The following PCSK1 variants were observed in gnomAD, a reference collection of about 807,000 sequenced individuals.
PCSK1 encodes the protein neuroendocrine convertase 1.
A neutral mutation model predicts 90.6 loss-of-function variants in PCSK1; 56 were observed. The ratio of observed to expected loss-of-function variants is 0.62; its 90% CI spans 0.50 to 0.77. The LOEUF (loss-of-function observed/expected upper bound fraction) is 0.77. Ranked by LOEUF, PCSK1 falls within the 30% of genes least tolerant of loss-of-function variation. PCSK1 has a pLI of 0.00. For missense variants in PCSK1, 801 were observed against 932.6 expected, an observed-to-expected ratio of 0.86 and a Z score of 1.84; for synonymous variants, 348 against 342.4, an observed-to-expected ratio of 1.02 and a Z score of -0.18.
At position 96,398,909 on chromosome 5, in the gene PCSK1, C is replaced by T. The variant is rs1392325011; in HGVS notation, c.1558G>A (p.Asp520Asn). 6.2e-7 allele frequency: 1 copy of T among 1,613,744 alleles called. No individual in the cohort carries two copies. Among genetic ancestry groups the T allele is most frequent in the South Asian group, 1.1e-5 (1 of 91,068 alleles). The stretch of plus-strand genomic sequence containing the variant: ...GCAGAAGTAAGTGTGACATGAAGGT[C>T]TCCTCTTCGGGAATATTCAATTGTT... The part of the protein sequence containing the change: ...EATIEYSRRG[D>N]LHVTLTSAAG... Residue 520 changes from aspartate to asparagine, a missense_variant, in exon 11 of 14, where the codon GAC (aspartate) becomes AAC (asparagine). Asp to Asn is a conservative substitution (Grantham distance 23). Transcript: ENST00000311106.
At position 96,408,275 on chromosome 5, in the gene PCSK1, A is replaced by C; in HGVS notation, c.1144T>G (p.Ser382Ala). The change falls in exon 9 of 14, where the codon TCG becomes GCG. Residue 382 changes from serine to alanine, a missense_variant. Physicochemically the swap from Ser to Ala is moderately conservative, Grantham distance 99. Coordinates refer to ENST00000311106, the MANE Select transcript of PCSK1 (RefSeq NM_000439.5). ...NDCTETHTGT[S>A]ASAPLAAGIF... is the part of the protein sequence containing the mutation. ...CCAGCAGCCAGAGGTGCAGAGGCCG[A>C]GGTGCCTGTGTGCGTCTCCGTGCAG... The C allele has an allele frequency of 6.2e-7, 1 of 1,614,108 alleles. No individual in the cohort carries two copies. The highest frequency in any genetic ancestry group is 8.5e-7 in the Non-Finnish European group (1 of 1,180,002).
At chr5:96,416,202 A>G in intron 5 of PCSK1, 81 bp from the exon 6 acceptor site, 1 of 943,322 alleles carries the variant, frequency 1.1e-6, no homozygotes, top group Non-Finnish European at 1.7e-6. Flanking sequence ...AATGGGGCAT[A>G]GGTATATTAA....
chr5:96,425,869 G>A lies in PCSK1; in HGVS notation c.347C>T (p.Ser116Leu). ...GGGATCATTGAAGAGATTTAGTGCT[G>A]AGTCCCTTAGAGCTGAACGTTTACT... ...ERSKRSALRD[S>L]ALNLFNDPMW... Residue 116 changes from serine (S) to leucine (L), a missense_variant, in exon 3 of 14, where the codon TCA becomes TTA. By Grantham distance (145) the Ser-to-Leu change is moderately radical. Coordinates refer to ENST00000311106, the MANE Select transcript of PCSK1 (RefSeq NM_000439.5). The A allele has an allele frequency of 2.5e-6, 4 of 1,612,084 alleles. No individual in the cohort carries two copies. The highest frequency in any genetic ancestry group is 3.4e-6 in the Non-Finnish European group (4 of 1,178,236).
At chr5:96,431,308 A>C (rs1413681409) in intron 1 of PCSK1, among the ~76,000 whole-genome samples, 1 of 152,096 alleles carries the variant, frequency 6.6e-6, no homozygotes, top group Non-Finnish European at 1.5e-5. Flanking sequence ...CGATCTCATT[A>C]TGTGCTCCTG....
At chr5:96,410,741 C>T (rs1411265225) in intron 8 of PCSK1, 33 bp downstream of exon 8, 3 of 1,536,804 alleles carry the variant, frequency 2.0e-6, no homozygotes, top group Middle Eastern at 1.7e-4. Context: ...GCTCTCCTAA[C>T]TAAGCAGAGA....
At chr5:96,420,064 G>A (rs111869352) in intron 5 of PCSK1, among the ~76,000 whole-genome samples, 19 of 152,250 alleles carry the variant, frequency 1.2e-4, no homozygotes, top group Middle Eastern at 3.4e-3. Flanking sequence ...CAGATTTCCC[G>A]TAGTCTTAAC....
At chr5:96,415,089 A>G (rs1348349171) in intron 6 of PCSK1, among the ~76,000 whole-genome samples, 2 of 152,236 alleles carry the variant, frequency 1.3e-5, no homozygotes, top group East Asian at 1.9e-4. Context: ...ATAACATAAC[A>G]TGAAAGCCTG....
chr5:96,393,243 C>G lies in PCSK1; in HGVS notation c.2020G>C (p.Ala674Pro). The G allele has an allele frequency of 6.2e-7, 1 of 1,613,992 alleles. No individual in the cohort carries two copies. The highest frequency in any genetic ancestry group is 8.5e-7 in the Non-Finnish European group (1 of 1,179,972). Residue 674 changes from alanine to proline, a missense_variant, in exon 14 of 14, where the codon GCT becomes CCT. Physicochemically the swap from Ala to Pro is conservative, Grantham distance 27. Coordinates refer to ENST00000311106, the MANE Select transcript of PCSK1 (RefSeq NM_000439.5). Reference protein sequence around the residue: ...SQAMLRLLQSAFSKNSPPKQS... With the variant: ...SQAMLRLLQSPFSKNSPPKQS... ...TTTGGCGGTGAGTTTTTACTGAAAGCACTTTGCAGGAGTCGCAGCATGGCC... is the reference window on the plus strand; with the variant it reads ...TTTGGCGGTGAGTTTTTACTGAAAGGACTTTGCAGGAGTCGCAGCATGGCC...
At chr5:96,416,598 C>A (rs183782142) in intron 5 of PCSK1, among the ~76,000 whole-genome samples, 10 of 152,140 alleles carry the variant, frequency 6.6e-5, no homozygotes. Context: ...CCTTGATCAG[C>A]CTTAGTAGGA....
intron 5 of PCSK1, among the ~76,000 whole-genome samples, chr5:96,417,062 A>G (rs1760958675): frequency 6.6e-6 from 1 of 152,194 alleles, no homozygotes; most frequent in Admixed American, 6.5e-5. Flanking sequence ...TACCAGATAT[A>G]CCAACATAGA....
chr5:96,398,669 C>A (rs1452817879), intron 11 of PCSK1, among the ~76,000 whole-genome samples: 1 of 152,066 alleles, frequency 6.6e-6, no homozygotes, highest in Non-Finnish European at 1.5e-5. Flanking sequence ...TTTGAATGGG[C>A]CTCATTCTCT....
chr5:96,405,244 TA>T (rs1760519921), intron 9 of PCSK1, among the ~76,000 whole-genome samples: 1 of 152,184 alleles, frequency 6.6e-6, no homozygotes, highest in South Asian at 2.1e-4. Flanking sequence ...ATTCTTATGA[TA>T]AGCACCTGGG....
intron 3 of PCSK1, 39 bp from the exon 4 acceptor site, chr5:96,423,498 A>T (rs939051488): frequency 6.2e-7 from 1 of 1,605,366 alleles, no homozygotes; most frequent in African/African-American, 1.3e-5. Context: ...TAAAATTATC[A>T]TTTGCTTGCT....
At chr5:96,415,949 G>T (rs766390823) in intron 6 of PCSK1, 84 bp downstream of exon 6, 1 of 876,828 alleles carries the variant, frequency 1.1e-6, no homozygotes, top group Non-Finnish European at 2.0e-6. Flanking sequence ...TTGTTAAAAA[G>T]AAAAGCTCCC....
intron 12 of PCSK1, among the ~76,000 whole-genome samples, chr5:96,396,854 T>TA (rs1319502272): frequency 6.6e-6 from 1 of 152,226 alleles, no homozygotes; most frequent in African/African-American, 2.4e-5. Flanking sequence ...GTTTCATGAC[T>TA]AAAACTGTTT....
Position 96,423,284 on chromosome 5 carries a change from G to C in PCSK1, c.543+29C>G, listed in dbSNP as rs58114609. 3.4e-4 allele frequency: 547 copies of C among 1,591,082 alleles called. 2 individuals are homozygous for C. In the African/African-American group the frequency reaches 6.6e-3, roughly 19 times the overall value. On this transcript the variant is annotated intron_variant, in intron 4 of 13. Transcript: ENST00000311106. ...TGTGTCTGCACAGACAGCTCCCTAAGTCACAGTCATGAGAAGGCACACACT... is the reference window on the plus strand; with the variant it reads ...TGTGTCTGCACAGACAGCTCCCTAACTCACAGTCATGAGAAGGCACACACT...
chr5:96,394,362 C>A (rs372219153), intron 13 of PCSK1, among the ~76,000 whole-genome samples: 4 of 152,284 alleles, frequency 2.6e-5, no homozygotes, highest in African/African-American at 9.6e-5. Context: ...TGTGATCTAT[C>A]GCTCCCCTTG....
At chr5:96,411,132 C>T (rs916010734) in intron 7 of PCSK1, 146 bp from the exon 8 acceptor site, 27 of 717,008 alleles carry the variant, frequency 3.8e-5, no homozygotes, top group Non-Finnish European at 5.7e-5. Context: ...CTTTTGGCTT[C>T]GATATTGGAA....
chr5:96,405,427 C>T, intron 9 of PCSK1, among the ~76,000 whole-genome samples: 1 of 152,124 alleles, frequency 6.6e-6, no homozygotes, highest in Non-Finnish European at 1.5e-5. Context: ...AGAAATGAAA[C>T]ACCTGCTTTA....
Sources: gnomAD v4.1 joint callset for allele counts (sites outside exome capture counted in the v4.1 genomes callset) on GRCh38, gnomAD v4.1.1 for gene constraint, MANE v1.5 for transcripts, NCBI Gene and HGNC (gene_info 2026-07-23, HGNC 2026-07-21) for gene names.